Variants in RALGPS1 observed in about 807,000 individuals in gnomAD.
RALGPS1 encodes the protein Ral GEF with PH domain and SH3 binding motif 1, also known as ras-specific guanine nucleotide-releasing factor RalGPS1.
A neutral mutation model predicts 78.8 loss-of-function variants in RALGPS1; 19 were observed. The observed-to-expected ratio is 0.24, with a 90% CI of 0.17 to 0.35. The LOEUF (loss-of-function observed/expected upper bound fraction) is 0.35, where lower values mean the gene tolerates loss of function less well. RALGPS1 is among the 10% of genes least tolerant of loss of function. The pLI is 1.00. For missense variants in RALGPS1, 454 were observed against 688.3 expected (o/e 0.66, Z 3.81); for synonymous variants, 228 against 256.3 (o/e 0.89, Z 1.06).
At chr9:127,203,137 T>C (rs1420283026) in intron 14 of RALGPS1, among the ~76,000 whole-genome samples, 1 of 152,176 alleles carries the variant, frequency 6.6e-6, no homozygotes, top group Non-Finnish European at 1.5e-5. Flanking sequence ...TTAAATGAGG[T>C]GTTTTTAAAA....
chr9:127,192,098 A>C (rs1379079397), intron 11 of RALGPS1, among the ~76,000 whole-genome samples: 2 of 152,236 alleles, frequency 1.3e-5, no homozygotes, highest in Non-Finnish European at 2.9e-5. Flanking sequence ...GGTTAGCTTC[A>C]CGTTTTTCAA....
chr9:127,120,827 CAAAAA>C (rs968011060), intron 8 of RALGPS1, among the ~76,000 whole-genome samples: 3 of 121,940 alleles, frequency 2.5e-5, no homozygotes, highest in African/African-American at 6.1e-5. Flanking sequence ...GACTCCATCT[CAAAAA>C]AAAAAAAAAA....
chr9:126,964,261 T>G (rs1195690386), intron 2 of RALGPS1, among the ~76,000 whole-genome samples: 4 of 150,260 alleles, frequency 2.7e-5, no homozygotes, highest in Non-Finnish European at 4.4e-5. Context: ...TTGAGCTACT[T>G]GGGAGACTGA....
rs553656230 is a variant in RALGPS1, at chr9:126,974,972, C to G, written c.166-2723C>G. ...AACCCCTACCCATACTTCCCACCCC[C>G]CTTTTTGGTAAAACTGAGTGGCCTT... On this transcript the variant is annotated intron_variant, in intron 3 of 18. Coordinates refer to ENST00000259351, the MANE Select transcript of RALGPS1 (RefSeq NM_014636.3). Among the ~76,000 whole-genome samples the G allele has an allele frequency of 1.3e-4, 20 of 152,026 alleles. No homozygotes were observed. The East Asian group carries it at 1.7e-3, about 13-fold the overall frequency.
chr9:127,026,513 A>C (rs1476214751), intron 4 of RALGPS1, among the ~76,000 whole-genome samples: 1 of 152,260 alleles, frequency 6.6e-6, no homozygotes, highest in African/African-American at 2.4e-5. Flanking sequence ...TATTTTATAT[A>C]CAAGTCTCTT....
In RALGPS1 at chr9:127,191,759, A is replaced by G. The variant is rs1250160731; in HGVS notation, c.911-3332A>G. On this transcript the variant is annotated intron_variant, in intron 11 of 18. Transcript: ENST00000259351. ...GTCACCCAGGCTGGAGTGCAGTGGC[A>G]CGATCTCGGCTCACTGCAAGCTCTG... 1.8e-4 allele frequency among the ~76,000 whole-genome samples: 25 copies of G among 139,048 alleles called. No homozygotes were observed. In the East Asian group the frequency reaches 2.2e-3, roughly 12 times the overall value. The allele number at this position is 139,048 out of a possible 152,430, so 91.2% of individuals were successfully genotyped here. A position where few individuals can be genotyped will look rare whatever the true frequency, so the allele number is the denominator to read the frequency against.
chr9:126,944,477 G>A (rs1010478757), intron 1 of RALGPS1, among the ~76,000 whole-genome samples: 1 of 149,148 alleles, frequency 6.7e-6, no homozygotes, highest in Admixed American at 6.9e-5. Context: ...ATGCCTGATT[G>A]TCAACACCCA....
At chr9:127,039,437 G>A (rs937384986) in intron 5 of RALGPS1, among the ~76,000 whole-genome samples, 5 of 152,198 alleles carry the variant, frequency 3.3e-5, no homozygotes, top group Non-Finnish European at 5.9e-5. Context: ...GAGAGCAGGT[G>A]TAAGTGATTC....
chr9:126,933,016 G>A (rs781413121), intron 1 of RALGPS1, among the ~76,000 whole-genome samples: 4 of 152,070 alleles, frequency 2.6e-5, no homozygotes, highest in Non-Finnish European at 5.9e-5. Context: ...ATGAAATATG[G>A]GACAGGGGAG....
chr9:127,168,145 G>T (rs1233786795), intron 9 of RALGPS1, among the ~76,000 whole-genome samples: 2 of 152,236 alleles, frequency 1.3e-5, no homozygotes, highest in African/African-American at 2.4e-5. Context: ...CAGGTGCCTG[G>T]ACCCCTCCCT....
intron 8 of RALGPS1, among the ~76,000 whole-genome samples, chr9:127,145,258 G>A (rs995690924): frequency 6.6e-6 from 1 of 152,132 alleles, no homozygotes; most frequent in African/African-American, 2.4e-5. Context: ...TCTCACTGTG[G>A]CCTCACAGTG....
intron 8 of RALGPS1, among the ~76,000 whole-genome samples, chr9:127,144,384 A>C (rs1462089150): frequency 6.6e-6 from 1 of 152,224 alleles, no homozygotes; most frequent in Non-Finnish European, 1.5e-5. Flanking sequence ...GGCATGGTAG[A>C]TAACCTTACT....
chr9:127,152,264 TAC>T (rs1486208567), intron 8 of RALGPS1, among the ~76,000 whole-genome samples: 1 of 152,232 alleles, frequency 6.6e-6, no homozygotes, highest in Non-Finnish European at 1.5e-5. Context: ...TCAAACCCAT[TAC>T]TTGGAAGTAT....
chr9:127,177,905 GACCAGAA>G, intron 11 of RALGPS1: 4 of 1,549,406 alleles, frequency 2.6e-6, no homozygotes, highest in Non-Finnish European at 2.6e-6. Flanking sequence ...AGCCATGTGA[GACCAGAA>G]ACCAGCAAGC....
At chr9:126,967,703 A>AT (rs556449817) in intron 3 of RALGPS1, among the ~76,000 whole-genome samples, 84 of 151,888 alleles carry the variant, frequency 5.5e-4, no homozygotes, top group African/African-American at 1.8e-3. Flanking sequence ...TGCCCTGCTA[A>AT]TTTTTTTGAT....
intron 8 of RALGPS1, among the ~76,000 whole-genome samples, chr9:127,076,768 A>C (rs1284680442): frequency 1.3e-5 from 2 of 152,222 alleles, no homozygotes; most frequent in African/African-American, 4.8e-5. Context: ...AGAAACTGCA[A>C]GTGAGCTGAG....
chr9:127,139,535 T>C (rs902101918), intron 8 of RALGPS1, among the ~76,000 whole-genome samples: 6 of 152,244 alleles, frequency 3.9e-5, no homozygotes, highest in Non-Finnish European at 7.3e-5. Context: ...AGCGTCTGCC[T>C]TGGGCTCTGT....
At chr9:126,993,658 C>T (rs2042466863) in intron 4 of RALGPS1, among the ~76,000 whole-genome samples, 1 of 151,928 alleles carries the variant, frequency 6.6e-6, no homozygotes, top group Admixed American at 6.6e-5. Flanking sequence ...TTCTGCATTT[C>T]CAACTGAGCT....
chr9:126,926,842 C>G (rs1359786852), intron 1 of RALGPS1, among the ~76,000 whole-genome samples: 1 of 151,916 alleles, frequency 6.6e-6, no homozygotes, highest in East Asian at 1.9e-4. Context: ...AGAGGCCTCT[C>G]CTACTTGGTA....
Sources: allele counts gnomAD v4.1 joint callset (sites outside exome capture counted in the v4.1 genomes callset), GRCh38; gene constraint gnomAD v4.1.1; transcripts MANE v1.5; gene names NCBI Gene and HGNC (gene_info 2026-07-23, HGNC 2026-07-21).